Variants in GPR180 observed in about 807,000 individuals in gnomAD.
The protein encoded by GPR180 is integral membrane protein GPR180.
A neutral mutation model predicts 52.6 loss-of-function variants in GPR180; 53 were observed. That is an observed-to-expected ratio of 1.01 (90% confidence interval 0.81 to 1.27). GPR180 has a LOEUF of 1.27. GPR180 is among the 50% of genes most tolerant of loss of function. The pLI is 0.00. For missense variants in GPR180, 533 were observed against 527.0 expected, an observed-to-expected ratio of 1.01 and a Z score of -0.11; for synonymous variants, 200 against 193.1, an observed-to-expected ratio of 1.04 and a Z score of -0.30.
At position 94,623,135 on chromosome 13, in the gene GPR180, T is replaced by G. The variant is rs748849235; in HGVS notation, c.921T>G (p.Phe307Leu). The G allele has an allele frequency of 2.5e-6, 4 of 1,613,708 alleles. No individual in the cohort carries two copies. In the South Asian group the frequency reaches 4.4e-5, roughly 18 times the overall value. The change falls in exon 7 of 9, where the codon TTT becomes TTG. Residue 307 changes from phenylalanine to leucine, a missense_variant. Physicochemically the swap from Phe to Leu is conservative, Grantham distance 22 (BLOSUM62 0). Transcript: ENST00000376958. ...GTGTTTTGCTACTTTGGGAACAGTT[T>G]GAAGATATCAGTCATCATAGCTACC... The part of the protein sequence containing the change: ...TQSVLLLWEQ[F>L]EDISHHSYHS...
Position 94,633,378 on chromosome 13 carries a change from C to T in GPR180, c.*6207C>T, listed in dbSNP as rs1396705368. On this transcript the variant is annotated 3_prime_UTR_variant, in exon 9 of 9. Transcript: ENST00000376958. ...AGAAAATTACGTTGTACTCTCTGTA[C>T]GGATAATTTTCGGTTAAGTGTTTTT... 1.3e-4 allele frequency: 20 copies of T among 152,170 alleles called. No homozygotes were observed. The highest frequency in any genetic ancestry group is 3.6e-4 in the African/African-American group (15 of 41,530). 9.4% of individuals were successfully genotyped at this position (152,170 alleles called of 1,614,324 possible). A position where few individuals can be genotyped will look rare whatever the true frequency, so the allele number is the denominator to read the frequency against.
chr13:94,632,796 C>T lies in GPR180; in HGVS notation c.*5625C>T, dbSNP rs975412211. The T allele has an allele frequency of 6.6e-6, 1 of 152,168 alleles. No individual in the cohort carries two copies. The highest frequency in any genetic ancestry group is 1.5e-5 in the Non-Finnish European group (1 of 68,048). 9.4% of individuals were successfully genotyped at this position (152,168 alleles called of 1,614,324 possible). ...GGATTAGAGGGTTGGAGTTTTGAGT[C>T]ATATGATATTAGCCCAACCTCTGAG... On this transcript the variant is annotated 3_prime_UTR_variant, in exon 9 of 9. Coordinates refer to ENST00000376958, the MANE Select transcript of GPR180 (RefSeq NM_180989.6).
chr13:94,619,787 G>A (rs960351922), intron 5 of GPR180, among the ~76,000 whole-genome samples: 4 of 152,028 alleles, frequency 2.6e-5, no homozygotes, highest in African/African-American at 4.8e-5. Flanking sequence ...GCACAGTCAC[G>A]GCTCACTGCA....
At position 94,627,949 on chromosome 13, in the gene GPR180, T is replaced by C. The variant is rs1889948786; in HGVS notation, c.*778T>C. On this transcript the variant is annotated 3_prime_UTR_variant, in exon 9 of 9. Transcript: ENST00000376958. ...AGAAGGGAAAAGGTACTATGTGATA[T>C]GGTACTGAAATTTTGATCCCAATAG... 1 of 152,514 alleles carries C rather than the reference T, an allele frequency of 6.6e-6. No individual in the cohort carries two copies. Among genetic ancestry groups the C allele is most frequent in the Non-Finnish European group, 1.5e-5 (1 of 67,932 alleles). The allele number at this position is 152,514 out of a possible 1,614,324, so 9.4% of individuals were successfully genotyped here.
In GPR180 at chr13:94,632,244, T is replaced by C. The variant is rs2138575100; in HGVS notation, c.*5073T>C. ...TTCTTCTTGTTAAACAGGTAATATA[T>C]GCACATTGTACAAAAATCAGAAAGT... is the stretch of plus-strand genomic sequence containing the variant. On this transcript the variant is annotated 3_prime_UTR_variant, in exon 9 of 9. Coordinates refer to ENST00000376958, the MANE Select transcript of GPR180 (RefSeq NM_180989.6). 1 of 152,304 alleles carries C rather than the reference T, an allele frequency of 6.6e-6. No individual in the cohort carries two copies. The highest frequency in any genetic ancestry group is 2.4e-5 in the African/African-American group (1 of 41,570). 9.4% of individuals were successfully genotyped at this position (152,304 alleles called of 1,614,324 possible).
At chr13:94,621,715 A>G (rs1403306563) in intron 6 of GPR180, among the ~76,000 whole-genome samples, 1 of 152,210 alleles carries the variant, frequency 6.6e-6, no homozygotes, top group Non-Finnish European at 1.5e-5. Flanking sequence ...AGGGCAAAAT[A>G]TAGACTAAAA....
Position 94,633,341 on chromosome 13 carries a change from A to G in GPR180, c.*6170A>G, listed in dbSNP as rs1405077467. ...ATATCCTGATGATCCGTGCAAAACA[A>G]AAACACTTAACAGAAAATTACGTTG... is the stretch of plus-strand genomic sequence containing the variant. On this transcript the variant is annotated 3_prime_UTR_variant, in exon 9 of 9. Transcript: ENST00000376958. 2 of 152,162 alleles carry G rather than the reference A, an allele frequency of 1.3e-5. No homozygotes were observed. The highest frequency in any genetic ancestry group is 2.9e-5 in the Non-Finnish European group (2 of 68,024). 9.4% of individuals were successfully genotyped at this position (152,162 alleles called of 1,614,324 possible).
chr13:94,609,990 G>GA (rs1160302523), intron 2 of GPR180, among the ~76,000 whole-genome samples: 1 of 152,054 alleles, frequency 6.6e-6, no homozygotes, highest in Non-Finnish European at 1.5e-5. Context: ...CCAACATACA[G>GA]AAAGGTTGAA....
rs767039206 is a variant in GPR180 at position 94,627,024 on chromosome 13, A to G, written c.1176A>G (p.Ile392Met). 6.3e-7 allele frequency: 1 copy of G among 1,599,640 alleles called. No individual in the cohort carries two copies. The highest frequency in any genetic ancestry group is 1.1e-5 in the South Asian group (1 of 88,178). The stretch of plus-strand genomic sequence containing the variant: ...CCTTTTCTTTTCAGGTTATTACAAT[A>G]GGTGTTATCCTTTGCCAGTCTGTTT... ...SDYQRDKVIT[I>M]GVILCQSVSM... Residue 392 changes from isoleucine to methionine, a missense_variant, in exon 9 of 9, where the codon ATA (isoleucine) becomes ATG (methionine). Transcript: ENST00000376958.
intron 6 of GPR180, among the ~76,000 whole-genome samples, chr13:94,622,162 TAGTGCCAG>T (rs1260231541): frequency 6.6e-6 from 1 of 151,866 alleles, no homozygotes; most frequent in African/African-American, 2.4e-5. Context: ...AGAAAGGAGG[TAGTGCCAG>T]GAAAGGGGAT....
At chr13:94,608,887 A>T (rs1333091906) in intron 2 of GPR180, among the ~76,000 whole-genome samples, 2 of 152,190 alleles carry the variant, frequency 1.3e-5, no homozygotes, top group Non-Finnish European at 2.9e-5. Flanking sequence ...CTCCCAAATT[A>T]ATGTTTGAAA....
intron 2 of GPR180, among the ~76,000 whole-genome samples, chr13:94,611,787 GATCCCCAGA>G (rs2139566587): frequency 6.6e-6 from 1 of 151,838 alleles, no homozygotes; most frequent in South Asian, 2.1e-4. Flanking sequence ...CCACCCCCAG[GATCCCCAGA>G]GCTCCAGCTT....
intron 5 of GPR180, 44 bp downstream of exon 5, chr13:94,619,561 C>T: frequency 6.8e-7 from 1 of 1,467,318 alleles, no homozygotes; most frequent in Middle Eastern, 2.2e-4. Flanking sequence ...TTTACACTCG[C>T]TATCTGCTTT....
At chr13:94,606,922 G>T (rs1889640801) in intron 2 of GPR180, among the ~76,000 whole-genome samples, 1 of 152,152 alleles carries the variant, frequency 6.6e-6, no homozygotes, top group African/African-American at 2.4e-5. Flanking sequence ...TCTCTTGATT[G>T]GTTGTCTCTT....
At chr13:94,613,278 G>T (rs904223021) in intron 3 of GPR180, among the ~76,000 whole-genome samples, 1 of 152,106 alleles carries the variant, frequency 6.6e-6, no homozygotes, top group African/African-American at 2.4e-5. Context: ...CAGGAGTGAG[G>T]CCACATTAGC....
chr13:94,615,923 T>C (rs1031069842), intron 3 of GPR180, among the ~76,000 whole-genome samples: 6 of 152,212 alleles, frequency 3.9e-5, no homozygotes, highest in African/African-American at 1.4e-4. Context: ...TGGCTTAAAG[T>C]AACAGAAAAC....
Position 94,605,431 on chromosome 13 carries a change from A to T in GPR180, c.186A>T (p.Ala62=), listed in dbSNP as rs1211499859. The T allele has an allele frequency of 6.2e-7, 1 of 1,613,994 alleles. No homozygotes were observed. ...ALLCVRINNI[A]VAVGKEAKLY... is the part of the protein sequence containing the mutation. ...TGTGTGTCAGAATCAACAACATAGC[A>T]GTAGCTGTTGGAAAAGAAGCTAAAC... Residue 62 remains alanine, a synonymous_variant, in exon 2 of 9, where the codon GCA becomes GCT. Transcript: ENST00000376958.
In GPR180 at chr13:94,618,420, A is replaced by ATTTT. The variant is rs570807308; in HGVS notation, c.506-710_506-707dup. The stretch of plus-strand genomic sequence containing the variant: ...CATGGAGTCGCATGATCAGCACAGG[A>ATTTT]TTTTTTTTTTTTTTTTTTTTTTTGG... On this transcript the variant is annotated intron_variant, in intron 3 of 8. Coordinates refer to ENST00000376958, the MANE Select transcript of GPR180 (RefSeq NM_180989.6). 4.9e-3 allele frequency among the ~76,000 whole-genome samples: 423 copies of ATTTT among 87,136 alleles called. 41 individuals are homozygous for ATTTT. Among genetic ancestry groups the ATTTT allele is most frequent in the African/African-American group, 8.2e-3 (130 of 15,836 alleles). The allele number at this position is 87,136 out of a possible 152,430, so 57.2% of individuals were successfully genotyped here.
intron 3 of GPR180, among the ~76,000 whole-genome samples, chr13:94,618,420 A>ATTTTTTTTTTGTTTTTTTTTT (rs1889806477): frequency 1.1e-5 from 1 of 87,156 alleles, no homozygotes; most frequent in Non-Finnish European, 2.1e-5. Context: ...TCAGCACAGG[A>ATTTTTTTTTTGTTTTTTTTTT]TTTTTTTTTT....
Sources: allele counts gnomAD v4.1 joint callset (sites outside exome capture counted in the v4.1 genomes callset), GRCh38; gene constraint gnomAD v4.1.1; transcripts MANE v1.5; gene names NCBI Gene and HGNC (gene_info 2026-07-23, HGNC 2026-07-21).